ATP8A2: variants seen among roughly 807,000 people sequenced by gnomAD.
The protein encoded by ATP8A2 is phospholipid-transporting ATPase IB.
Under a neutral mutation model 165.6 loss-of-function variants are expected in ATP8A2, and 100 were observed. The observed-to-expected ratio is 0.60, with a 90% CI of 0.51 to 0.71. The LOEUF is 0.71. Ranked by LOEUF, ATP8A2 falls within the 30% of genes least tolerant of loss-of-function variation. The pLI is 0.00. For synonymous variants in ATP8A2, 543 were observed against 548.8 expected, an observed-to-expected ratio of 0.99 and a Z score of 0.15; for missense variants, 1,227 against 1,479.5, an observed-to-expected ratio of 0.83 and a Z score of 2.80.
At chr13:25,860,905 T>C (rs1371574025) in intron 32 of ATP8A2, 45 bp downstream of exon 32, 1 of 1,318,800 alleles carries the variant, frequency 7.6e-7, no homozygotes, top group Non-Finnish European at 1.1e-6. Flanking sequence ...ATAGATATTT[T>C]TCATGCTAGG....
chr13:25,675,690 G>C (rs1042083020), intron 24 of ATP8A2, among the ~76,000 whole-genome samples: 2 of 152,126 alleles, frequency 1.3e-5, no homozygotes, highest in East Asian at 3.9e-4. Context: ...GTTGTGATTA[G>C]TGTATTTCAG....
chr13:25,460,522 G>A (rs1022960626), intron 1 of ATP8A2, among the ~76,000 whole-genome samples: 1 of 152,066 alleles, frequency 6.6e-6, no homozygotes, highest in Non-Finnish European at 1.5e-5. Flanking sequence ...TTTCTTTTTT[G>A]TTGTTGTTTT....
In ATP8A2 at chr13:25,683,707, T is replaced by C. The variant is rs992424027; in HGVS notation, c.2212-15466T>C. Among the ~76,000 whole-genome samples, 14 of 151,996 alleles carry C rather than the reference T, an allele frequency of 9.2e-5. No individual in the cohort carries two copies. In the South Asian group the frequency reaches 1.2e-3, roughly 14 times the overall value. Reference sequence around the variant, plus strand: ...ATCATTTCCTTTTTTTTTTTTTTATTATGAGTCTCTAGTCATTCTTGATTT... The same window carrying C: ...ATCATTTCCTTTTTTTTTTTTTTATCATGAGTCTCTAGTCATTCTTGATTT... On this transcript the variant is annotated intron_variant, in intron 24 of 36. Transcript: ENST00000381655.
intron 36 of ATP8A2, 40 bp downstream of exon 36, chr13:26,012,662 C>T (rs1240163920): frequency 4.5e-6 from 5 of 1,100,116 alleles, no homozygotes; most frequent in Non-Finnish European, 3.5e-6. Context: ...GAGTGGGTGT[C>T]GGTGCGGGGC....
intron 24 of ATP8A2, among the ~76,000 whole-genome samples, chr13:25,609,430 G>C (rs118080318): frequency 1.7e-3 from 260 of 150,072 alleles, no homozygotes; most frequent in Non-Finnish European, 2.8e-3. Context: ...GCCTCATTAC[G>C]TACAATTTCT....
At chr13:25,419,378 T>A (rs1016250543) in intron 1 of ATP8A2, among the ~76,000 whole-genome samples, 1 of 152,184 alleles carries the variant, frequency 6.6e-6, no homozygotes, top group Non-Finnish European at 1.5e-5. Context: ...GAGGCCCCCA[T>A]CTGTTAAAAA....
In ATP8A2 at chr13:25,559,137, C is replaced by A. The variant is rs186088934; in HGVS notation, c.1352+76C>A. The A allele has an allele frequency of 4.0e-6, 4 of 999,322 alleles. No homozygotes were observed. In the South Asian group the frequency reaches 4.3e-5, roughly 11 times the overall value. 61.9% of individuals were successfully genotyped at this position (999,322 alleles called of 1,614,324 possible). A position where few individuals can be genotyped will look rare whatever the true frequency, so the allele number is the denominator to read the frequency against. ...ATAAGTTTATTTTTAGCTACTTAGT[C>A]AAATATCTTGACTTTCTGATGTTTT... On this transcript the variant is annotated intron_variant, in intron 14 of 36. Coordinates refer to ENST00000381655, the MANE Select transcript of ATP8A2 (RefSeq NM_016529.6).
intron 2 of ATP8A2, among the ~76,000 whole-genome samples, chr13:25,526,078 A>G (rs944354604): frequency 6.6e-6 from 1 of 151,468 alleles, no homozygotes; most frequent in Non-Finnish European, 1.5e-5. Flanking sequence ...TCATTCTCCT[A>G]CTGACAGCCT....
chr13:25,505,977 A>C (rs895331640), intron 2 of ATP8A2, among the ~76,000 whole-genome samples: 13 of 151,324 alleles, frequency 8.6e-5, no homozygotes, highest in African/African-American at 2.9e-4. Context: ...AGGTGTGGAA[A>C]GGTCAAGCAG....
chr13:25,596,397 C>G (rs1354523185), intron 24 of ATP8A2, among the ~76,000 whole-genome samples: 3 of 152,116 alleles, frequency 2.0e-5, no homozygotes, highest in Non-Finnish European at 2.9e-5. Flanking sequence ...TAATCACCAC[C>G]CCATTTAAAA....
At chr13:25,667,844 T>G (rs2042185229) in intron 24 of ATP8A2, among the ~76,000 whole-genome samples, 2 of 152,180 alleles carry the variant, frequency 1.3e-5, no homozygotes, top group Non-Finnish European at 1.5e-5. Flanking sequence ...AGTTATTTTC[T>G]TACTGATTTA....
At chr13:25,689,805 C>T (rs1468695120) in intron 24 of ATP8A2, among the ~76,000 whole-genome samples, 38 of 152,034 alleles carry the variant, frequency 2.5e-4, no homozygotes. Context: ...TGAGTGGTGG[C>T]TTGCAAATGC....
intron 25 of ATP8A2, among the ~76,000 whole-genome samples, chr13:25,751,296 A>G (rs1205365350): frequency 6.6e-6 from 1 of 152,236 alleles, no homozygotes; most frequent in Non-Finnish European, 1.5e-5. Flanking sequence ...CTTGTTTTCT[A>G]GGACTTCTTC....
At chr13:25,604,356 A>T (rs2040463875) in intron 24 of ATP8A2, among the ~76,000 whole-genome samples, 1 of 152,142 alleles carries the variant, frequency 6.6e-6, no homozygotes, top group South Asian at 2.1e-4. Context: ...GGCATTATGG[A>T]GATGAATGCT....
intron 1 of ATP8A2, among the ~76,000 whole-genome samples, chr13:25,416,104 A>C (rs1026557964): frequency 6.6e-6 from 1 of 152,210 alleles, no homozygotes; most frequent in Non-Finnish European, 1.5e-5. Flanking sequence ...TTGGGATAGC[A>C]GGCATGAGCC....
intron 33 of ATP8A2, among the ~76,000 whole-genome samples, chr13:25,954,863 A>G (rs1318424824): frequency 6.6e-6 from 1 of 152,260 alleles, no homozygotes; most frequent in Non-Finnish European, 1.5e-5. Context: ...ATCAAAGACC[A>G]AAGGTAGATA....
intron 24 of ATP8A2, among the ~76,000 whole-genome samples, chr13:25,694,126 T>C (rs1008543593): frequency 2.0e-5 from 3 of 152,098 alleles, no homozygotes; most frequent in Non-Finnish European, 4.4e-5. Context: ...AGAAGAACCA[T>C]GTATTGGCAT....
Position 25,408,513 on chromosome 13 carries a change from T to C in ATP8A2, c.76+36225T>C, listed in dbSNP as rs571627797. ...TTCCCTGTGGCAGGCTCATGCACAC[T>C]GATGTGTTAATCTTGTTGAAATATA... On this transcript the variant is annotated intron_variant, in intron 1 of 36. Transcript: ENST00000381655. Among the ~76,000 whole-genome samples the C allele has an allele frequency of 2.6e-5, 4 of 152,360 alleles. No homozygotes were observed. The South Asian group carries it at 8.3e-4, about 32-fold the overall frequency.
chr13:25,994,613 A>T (rs1030297849), intron 35 of ATP8A2, among the ~76,000 whole-genome samples: 2 of 152,068 alleles, frequency 1.3e-5, no homozygotes, highest in Non-Finnish European at 2.9e-5. Context: ...GAATTTTGTA[A>T]AATGCTTTAT....
Sources: allele counts gnomAD v4.1 joint callset (sites outside exome capture counted in the v4.1 genomes callset), GRCh38; gene constraint gnomAD v4.1.1; transcripts MANE v1.5; gene names NCBI Gene and HGNC (gene_info 2026-07-23, HGNC 2026-07-21).